Variants in DPY30 observed in about 807,000 individuals in gnomAD.
DPY30 encodes protein dpy-30 homolog.
In DPY30, 6 loss-of-function variants were observed where a neutral mutation model predicts 16.2. That is an observed-to-expected ratio of 0.37 (90% CI 0.20 to 0.73). The LOEUF is 0.73. Ranked by LOEUF, DPY30 falls within the 30% of genes least tolerant of loss-of-function variation. The pLI is 0.51. For synonymous variants in DPY30, 39 were observed against 38.8 expected, an observed-to-expected ratio of 1.00 and a Z score of -0.02; for missense variants, 73 against 113.1, an observed-to-expected ratio of 0.65 and a Z score of 1.61.
At position 32,034,159 on chromosome 2, in the gene DPY30, G is replaced by A. The variant is rs111652213; in HGVS notation, c.85-4423C>T. On this transcript the variant is annotated intron_variant, in intron 3 of 4. Transcript: ENST00000342166. ...AAACATATTGCCTTCCAGTCTTCAG[G>A]TGAATACTTATCAATAGATGGATAT... Among the ~76,000 whole-genome samples the A allele has an allele frequency of 7.3e-3, 1,107 of 152,286 alleles. 15 individuals carry two copies. The highest frequency in any genetic ancestry group is 0.026 in the African/African-American group (1,071 of 41,538).
intron 5 of DPY30, among the ~76,000 whole-genome samples, chr2:32,015,136 C>A (rs1675040039): frequency 6.6e-6 from 1 of 151,740 alleles, no homozygotes; most frequent in African/African-American, 2.4e-5. Flanking sequence ...TGAATCTACA[C>A]AGCAATATTA....
At chr2:32,019,652 C>G (rs990504735), downstream of DPY30, among the ~76,000 whole-genome samples, 3 of 151,406 alleles carry the variant, frequency 2.0e-5, no homozygotes, top group African/African-American at 4.8e-5. Flanking sequence ...CAAAACCCGT[C>G]TCTACTAAAA....
intron 3 of DPY30, among the ~76,000 whole-genome samples, chr2:32,035,953 A>G (rs71446037): frequency 6.6e-6 from 1 of 151,200 alleles, no homozygotes; most frequent in Non-Finnish European, 1.5e-5. Flanking sequence ...AAAAAAAAAA[A>G]GAAAAAGAAA....
At position 32,039,515 on chromosome 2, in the gene DPY30, G is replaced by A. The variant is rs1245233281; in HGVS notation, c.-36-23C>T. 29 of 1,611,650 alleles carry A rather than the reference G, an allele frequency of 1.8e-5. No individual in the cohort carries two copies. In the South Asian group the frequency reaches 2.1e-4, roughly 12 times the overall value. On this transcript the variant is annotated intron_variant, in intron 1 of 4. Coordinates refer to ENST00000342166, the MANE Select transcript of DPY30 (RefSeq NM_001321209.2). ...AGTCTTGGAAAACAAGAAGAGCCGCGAGTTACCTGGGAGATTTCAACACGA... is the reference window on the plus strand; with the variant it reads ...AGTCTTGGAAAACAAGAAGAGCCGCAAGTTACCTGGGAGATTTCAACACGA...
intron 4 of DPY30, among the ~76,000 whole-genome samples, chr2:32,025,726 C>T (rs950685364): frequency 2.0e-5 from 3 of 151,184 alleles, no homozygotes; most frequent in Non-Finnish European, 4.4e-5. Flanking sequence ...CGAGCCACTG[C>T]CCTCCAGCCT....
At position 32,024,138 on chromosome 2, in the gene DPY30, T is replaced by C. The variant is rs747681872; in HGVS notation, c.*46A>G. 2 of 1,592,418 alleles carry C rather than the reference T, an allele frequency of 1.3e-6. No individual in the cohort carries two copies. Among genetic ancestry groups the C allele is most frequent in the East Asian group, 2.3e-5 (1 of 44,342 alleles). On this transcript the variant is annotated 3_prime_UTR_variant, in exon 5 of 5. Coordinates refer to ENST00000342166, the MANE Select transcript of DPY30 (RefSeq NM_001321209.2). ...GGCAATTAAAGCTGCCTCTTAATCATGTAAATCTACAGTAGCAACTAAATT... is the reference window on the plus strand; with the variant it reads ...GGCAATTAAAGCTGCCTCTTAATCACGTAAATCTACAGTAGCAACTAAATT...
intron 5 of DPY30, among the ~76,000 whole-genome samples, chr2:32,017,907 A>C (rs951224728): frequency 1.3e-5 from 2 of 152,176 alleles, no homozygotes; most frequent in Non-Finnish European, 2.9e-5. Flanking sequence ...TAATTCAGTC[A>C]TTTTATGAAT....
intron 4 of DPY30, among the ~76,000 whole-genome samples, chr2:32,026,024 T>G (rs1675320674): frequency 6.6e-6 from 1 of 152,002 alleles, no homozygotes. Flanking sequence ...GAAAAATCAC[T>G]TGAGCCTGGG....
downstream of DPY30, among the ~76,000 whole-genome samples, chr2:32,020,772 G>A (rs1057068959): frequency 2.0e-5 from 3 of 152,022 alleles, no homozygotes; most frequent in South Asian, 4.1e-4. Context: ...GACAACTCAC[G>A]TAAATATTTA....
chr2:32,039,603 G>A (rs954597245), intron 1 of DPY30, 111 bp from the exon 2 acceptor site: 59 of 961,486 alleles, frequency 6.1e-5, no homozygotes, highest in Non-Finnish European at 9.0e-5. Flanking sequence ...CTGGGCGCGG[G>A]AGCACCACGA....
downstream of DPY30, chr2:32,023,296 A>G (rs1370902630): frequency 7.9e-6 from 3 of 380,370 alleles, no homozygotes; most frequent in South Asian, 4.1e-5. Flanking sequence ...AGCTATCTCA[A>G]TTTCTTCACA....
At chr2:32,017,004 T>G (rs560992233) in intron 5 of DPY30, among the ~76,000 whole-genome samples, 240 of 152,170 alleles carry the variant, frequency 1.6e-3, no homozygotes, top group Non-Finnish European at 2.9e-3. Context: ...TGCCTCAGCC[T>G]CCCGAGTAGC....
rs188720614 is a variant in DPY30, at chr2:32,014,646, G to T, written n.378-2594C>A. ...CTACAGGCGCCCACCACCACGCCCG[G>T]CTAATTTTTTGTATTTTTAGTAGAG... is the stretch of plus-strand genomic sequence containing the variant. On this transcript the variant is annotated intron_variant and non_coding_transcript_variant, in intron 5 of 5. Coordinates refer to the DPY30 transcript ENST00000414013. Among the ~76,000 whole-genome samples, 1,112 of 152,202 alleles carry T rather than the reference G, an allele frequency of 7.3e-3. 17 individuals are homozygous for T. The highest frequency in any genetic ancestry group is 0.025 in the African/African-American group (1,042 of 41,530).
chr2:32,017,089 G>C (rs1675080210), intron 5 of DPY30, among the ~76,000 whole-genome samples: 1 of 151,858 alleles, frequency 6.6e-6, no homozygotes, highest in Non-Finnish European at 1.5e-5. Flanking sequence ...CACCATGTTG[G>C]CCAGGCTGGT....
chr2:32,016,071 A>G (rs925854315), intron 5 of DPY30, among the ~76,000 whole-genome samples: 2 of 151,776 alleles, frequency 1.3e-5, no homozygotes, highest in Admixed American at 1.3e-4. Flanking sequence ...GCTAATTTTT[A>G]TATTTTTAGC....
chr2:32,036,529 G>A (rs550440514), intron 3 of DPY30, among the ~76,000 whole-genome samples: 5 of 152,164 alleles, frequency 3.3e-5, no homozygotes, highest in African/African-American at 4.8e-5. Context: ...AAAATTAGCC[G>A]GGCATGGTGG....
intron 5 of DPY30, among the ~76,000 whole-genome samples, chr2:32,016,175 A>C (rs1449606365): frequency 1.3e-5 from 2 of 152,168 alleles, no homozygotes; most frequent in African/African-American, 2.4e-5. Flanking sequence ...CTGGGATTAC[A>C]AGTGTGAGCC....
chr2:32,015,159 T>G (rs1278737213), intron 5 of DPY30, among the ~76,000 whole-genome samples: 1 of 152,210 alleles, frequency 6.6e-6, no homozygotes, highest in Non-Finnish European at 1.5e-5. Context: ...CTGACCATTT[T>G]TAGATTCTAC....
At chr2:32,015,375 A>G (rs1249187797) in intron 5 of DPY30, among the ~76,000 whole-genome samples, 1 of 152,202 alleles carries the variant, frequency 6.6e-6, no homozygotes, top group African/African-American at 2.4e-5. Flanking sequence ...CAAACATAAT[A>G]AACAGTATTT....
Sources: gnomAD v4.1 joint callset for allele counts (sites outside exome capture counted in the v4.1 genomes callset) on GRCh38, gnomAD v4.1.1 for gene constraint, MANE v1.5 for transcripts, NCBI Gene and HGNC (gene_info 2026-07-23, HGNC 2026-07-21) for gene names.